FOXN3: variants seen among roughly 807,000 people sequenced by gnomAD.
FOXN3 encodes the protein forkhead box protein N3.
FOXN3 carries 7 observed loss-of-function variants against 38.4 expected under a neutral mutation model. The ratio of observed to expected loss-of-function variants is 0.18; its 90% CI spans 0.10 to 0.34. FOXN3 has a LOEUF of 0.34. Ranked by LOEUF, FOXN3 falls within the 10% of genes least tolerant of loss-of-function variation. The pLI, the probability that FOXN3 is intolerant of heterozygous loss-of-function variation, is 1.00. For synonymous variants in FOXN3, 230 were observed against 242.2 expected (o/e 0.95, Z 0.47); for missense variants, 456 against 613.4 (o/e 0.74, Z 2.71).
chr14:89,414,092 A>C (rs528958645), intron 1 of FOXN3, among the ~76,000 whole-genome samples: 49 of 152,034 alleles, frequency 3.2e-4, no homozygotes, highest in Non-Finnish European at 6.8e-4. Flanking sequence ...AGGCAGGAGG[A>C]TCCCTTGAGC....
intron 1 of FOXN3, among the ~76,000 whole-genome samples, chr14:89,422,991 G>A (rs1353684929): frequency 6.6e-6 from 1 of 152,224 alleles, no homozygotes; most frequent in Non-Finnish European, 1.5e-5. Flanking sequence ...ACAAGTGTGA[G>A]CCGATGATCT....
intron 2 of FOXN3, among the ~76,000 whole-genome samples, chr14:89,377,812 C>T (rs1191109996): frequency 1.4e-4 from 21 of 152,172 alleles, no homozygotes; most frequent in African/African-American, 2.4e-5. Flanking sequence ...GAATGTGGCT[C>T]TATTTTAACA....
chr14:89,601,857 G>A (rs376676535), intron 1 of FOXN3, among the ~76,000 whole-genome samples: 1 of 151,990 alleles, frequency 6.6e-6, no homozygotes, highest in East Asian at 1.9e-4. Flanking sequence ...AATAGTACTA[G>A]CACTCGTAGA....
At chr14:89,372,568 A>G (rs1031591495) in intron 2 of FOXN3, among the ~76,000 whole-genome samples, 1 of 152,204 alleles carries the variant, frequency 6.6e-6, no homozygotes, top group African/African-American at 2.4e-5. Flanking sequence ...TAACAAGAGC[A>G]CCATACAACC....
chr14:89,246,776 T>C (rs981839778), intron 4 of FOXN3, among the ~76,000 whole-genome samples: 5 of 151,954 alleles, frequency 3.3e-5, no homozygotes, highest in Non-Finnish European at 7.4e-5. Flanking sequence ...CCTGACCTTG[T>C]GATCCACCCG....
intron 4 of FOXN3, among the ~76,000 whole-genome samples, chr14:89,204,600 C>T (rs951696310): frequency 2.0e-5 from 3 of 152,124 alleles, no homozygotes; most frequent in Admixed American, 6.5e-5. Context: ...TAAAACAAAG[C>T]GCCAAAAAAG....
chr14:89,251,571 A>T (rs1223955743), intron 4 of FOXN3, among the ~76,000 whole-genome samples: 2 of 152,220 alleles, frequency 1.3e-5, no homozygotes, highest in African/African-American at 4.8e-5. Flanking sequence ...ATGTGGGTGG[A>T]TTTCAGTTAC....
intron 1 of FOXN3, among the ~76,000 whole-genome samples, chr14:89,592,277 G>T (rs1464545447): frequency 6.6e-6 from 1 of 152,032 alleles, no homozygotes; most frequent in Non-Finnish European, 1.5e-5. Context: ...ATAATTTTTT[G>T]GGGGGAGAAG....
chr14:89,355,382 T>A (rs1889172331), intron 2 of FOXN3: 1 of 118,034 alleles, frequency 8.5e-6, no homozygotes, highest in African/African-American at 3.2e-5. Context: ...TGCCCGCCAC[T>A]ATGCCCGACT....
chr14:89,321,795 T>C (rs1887906561), intron 3 of FOXN3, among the ~76,000 whole-genome samples: 2 of 151,210 alleles, frequency 1.3e-5, no homozygotes, highest in Non-Finnish European at 1.5e-5. Context: ...TTCTTTCCTT[T>C]TTTTTTTTTA....
chr14:89,579,215 A>G (rs1457037641), intron 1 of FOXN3, among the ~76,000 whole-genome samples: 1 of 145,590 alleles, frequency 6.9e-6, no homozygotes, highest in Non-Finnish European at 1.5e-5. Context: ...CACTGGCATG[A>G]TCATGGCTCA....
intron 2 of FOXN3, among the ~76,000 whole-genome samples, chr14:89,351,538 T>C (rs1888971672): frequency 6.6e-6 from 1 of 152,230 alleles, no homozygotes; most frequent in Non-Finnish European, 1.5e-5. Context: ...GGAGGCTTCC[T>C]GTGAGGCCCA....
At chr14:89,373,108 G>A (rs1367036550) in intron 2 of FOXN3, among the ~76,000 whole-genome samples, 1 of 152,182 alleles carries the variant, frequency 6.6e-6, no homozygotes, top group Admixed American at 6.5e-5. Flanking sequence ...CGAGGCTACA[G>A]TGAGCCATGA....
intron 1 of FOXN3, among the ~76,000 whole-genome samples, chr14:89,560,451 T>C (rs1456043975): frequency 7.2e-5 from 11 of 152,172 alleles, no homozygotes; most frequent in Admixed American, 2.6e-4. Context: ...TAGGGAACCA[T>C]ACCCCATCCC....
intron 3 of FOXN3, among the ~76,000 whole-genome samples, chr14:89,306,728 A>T (rs1298238291): frequency 6.6e-6 from 1 of 152,200 alleles, no homozygotes; most frequent in Non-Finnish European, 1.5e-5. Flanking sequence ...AATTCTGACT[A>T]CAAAGTCAGA....
In FOXN3 at chr14:89,255,798, G is replaced by A. The variant is rs573053549; in HGVS notation, c.745+25152C>T. Among the ~76,000 whole-genome samples the A allele has an allele frequency of 3.3e-5, 5 of 152,204 alleles. No homozygotes were observed. In the East Asian group the frequency reaches 5.8e-4, roughly 18 times the overall value. ...GCAAACTGACCTTCCAGGAGAAACC[G>A]CTGGGCACACCATTCATGACTGTCC... is the stretch of plus-strand genomic sequence containing the variant. On this transcript the variant is annotated intron_variant, in intron 4 of 5. Coordinates refer to ENST00000557258, the MANE Select transcript of FOXN3 (RefSeq NM_005197.4).
intron 1 of FOXN3, among the ~76,000 whole-genome samples, chr14:89,446,890 T>G (rs766276774): frequency 6.6e-5 from 10 of 152,198 alleles, no homozygotes; most frequent in Non-Finnish European, 1.2e-4. Flanking sequence ...TGTACAGATC[T>G]CTATTTCCTT....
chr14:89,169,875 T>C (rs1452684765), intron 5 of FOXN3, among the ~76,000 whole-genome samples: 4 of 151,952 alleles, frequency 2.6e-5, no homozygotes, highest in African/African-American at 7.3e-5. Flanking sequence ...TAAAACGAGA[T>C]GATAGAACCA....
At chr14:89,482,321 A>G (rs1893348750) in intron 1 of FOXN3, among the ~76,000 whole-genome samples, 1 of 152,216 alleles carries the variant, frequency 6.6e-6, no homozygotes, top group Non-Finnish European at 1.5e-5. Context: ...AGTCTTAAGC[A>G]CTGAAGAGTG....
Sources: gnomAD v4.1 joint callset for allele counts (sites outside exome capture counted in the v4.1 genomes callset) on GRCh38, gnomAD v4.1.1 for gene constraint, MANE v1.5 for transcripts, NCBI Gene and HGNC (gene_info 2026-07-23, HGNC 2026-07-21) for gene names.